The following SLCO3A1 variants were observed in gnomAD, a reference collection of about 807,000 sequenced individuals.
SLCO3A1 encodes the protein PGE1 transporter.
A neutral mutation model predicts 63.1 loss-of-function variants in SLCO3A1; 27 were observed. The observed-to-expected ratio is 0.43, with a 90% CI of 0.32 to 0.59. The LOEUF (loss-of-function observed/expected upper bound fraction) is 0.59. Ranked by LOEUF, SLCO3A1 falls within the 20% of genes least tolerant of loss-of-function variation. The pLI, the probability that SLCO3A1 is intolerant of heterozygous loss-of-function variation, is 0.09. For synonymous variants in SLCO3A1, 473 were observed against 409.9 expected, an observed-to-expected ratio of 1.15 and a Z score of -1.86; for missense variants, 773 against 945.8, an observed-to-expected ratio of 0.82 and a Z score of 2.40.
chr15:92,154,734 G>C (rs1446307496), intron 9 of SLCO3A1, among the ~76,000 whole-genome samples: 1 of 152,076 alleles, frequency 6.6e-6, no homozygotes, highest in Non-Finnish European at 1.5e-5. Flanking sequence ...CTGGTCAGTG[G>C]GGCTCTGGGA....
rs1897077774 is a variant in SLCO3A1 at position 91,862,733 on chromosome 15, G to T, written c.180+8645G>T. On this transcript the variant is annotated intron_variant, in intron 1 of 9. Transcript: ENST00000318445. The surrounding 1 kb of genome is among the most constrained non-coding windows in gnomAD (Gnocchi z 4.0). The stretch of plus-strand genomic sequence containing the variant: ...ATAATAGAAGGCAAACTAAATCCCT[G>T]CTCACAAAACTACAGGAATTTGAGG... Among the ~76,000 whole-genome samples the T allele has an allele frequency of 6.6e-6, 1 of 152,204 alleles. No individual in the cohort carries two copies. Among genetic ancestry groups the T allele is most frequent in the South Asian group, 2.1e-4 (1 of 4,836 alleles).
chr15:92,050,431 T>A (rs1347324595), intron 2 of SLCO3A1, among the ~76,000 whole-genome samples: 3 of 152,230 alleles, frequency 2.0e-5, no homozygotes. Flanking sequence ...ACAGAGTCCC[T>A]GCACACGGAG....
chr15:92,107,290 C>T (rs1010695513), intron 4 of SLCO3A1, among the ~76,000 whole-genome samples: 3 of 152,190 alleles, frequency 2.0e-5, no homozygotes, highest in Non-Finnish European at 4.4e-5. Context: ...TGCAAGATTC[C>T]TTAAGAGCCA....
At chr15:91,855,563 C>T (rs1417813790) in intron 1 of SLCO3A1, among the ~76,000 whole-genome samples, 1 of 152,164 alleles carries the variant, frequency 6.6e-6, no homozygotes, top group East Asian at 1.9e-4. Context: ...CTATAAAATA[C>T]ACTTATTGTG....
chr15:91,868,412 A>C (rs1313776219), intron 1 of SLCO3A1, among the ~76,000 whole-genome samples: 1 of 150,836 alleles, frequency 6.6e-6, no homozygotes, highest in East Asian at 1.9e-4. Flanking sequence ...TTACACAAGG[A>C]ATATATGTGG....
chr15:91,911,169 T>G (rs1898473242), intron 1 of SLCO3A1, among the ~76,000 whole-genome samples: 1 of 152,148 alleles, frequency 6.6e-6, no homozygotes, highest in African/African-American at 2.4e-5. Flanking sequence ...TTCCAGAAGG[T>G]GAGGCTCCCA....
chr15:91,946,280 C>CA, intron 2 of SLCO3A1, among the ~76,000 whole-genome samples: 1 of 152,326 alleles, frequency 6.6e-6, no homozygotes, highest in Non-Finnish European at 1.5e-5. Context: ...GGCAGGGAGC[C>CA]AGGCTGCACG....
chr15:91,881,601 C>T (rs185919776), intron 1 of SLCO3A1, among the ~76,000 whole-genome samples: 1,531 of 151,944 alleles, frequency 0.01, 11 homozygotes, highest in Non-Finnish European at 0.015. Flanking sequence ...GGTTTTTAGC[C>T]TTGAGATGAA....
At chr15:92,118,556 T>C (rs1056669530) in intron 4 of SLCO3A1, among the ~76,000 whole-genome samples, 2 of 152,184 alleles carry the variant, frequency 1.3e-5, no homozygotes, top group African/African-American at 4.8e-5. Context: ...CATCCCCTAT[T>C]ATTATTTTAT....
intron 2 of SLCO3A1, among the ~76,000 whole-genome samples, chr15:92,037,335 G>C (rs1049062366): frequency 6.6e-6 from 1 of 152,162 alleles, no homozygotes; most frequent in Admixed American, 6.5e-5. Flanking sequence ...AGCTCTCTCT[G>C]TATAGATAGG....
At chr15:91,986,166 C>T (rs2046049770) in intron 2 of SLCO3A1, among the ~76,000 whole-genome samples, 1 of 152,152 alleles carries the variant, frequency 6.6e-6, no homozygotes, top group African/African-American at 2.4e-5. Flanking sequence ...ACCTGCTAGC[C>T]ACCATGCTCG....
intron 2 of SLCO3A1, among the ~76,000 whole-genome samples, chr15:92,015,281 T>C (rs1193933586): frequency 6.6e-6 from 1 of 152,032 alleles, no homozygotes; most frequent in South Asian, 2.1e-4. Flanking sequence ...TCAGACTGGG[T>C]AATTTATAAA....
intron 2 of SLCO3A1, among the ~76,000 whole-genome samples, chr15:92,070,459 A>G (rs537453680): frequency 6.7e-6 from 1 of 150,232 alleles, no homozygotes; most frequent in Admixed American, 6.6e-5. Flanking sequence ...CCTGGCCCAC[A>G]TGGGGAAACC....
At chr15:92,171,084 G>C (rs143813494) in intron 10 of SLCO3A1, 1 of 152,210 alleles carries the variant, frequency 6.6e-6, no homozygotes, top group African/African-American at 2.4e-5. Flanking sequence ...AAAGTCTAAA[G>C]AGGACAAATA....
intron 2 of SLCO3A1, among the ~76,000 whole-genome samples, chr15:91,934,063 A>G (rs976477168): frequency 6.6e-6 from 1 of 152,110 alleles, no homozygotes; most frequent in African/African-American, 2.4e-5. Context: ...CTGTTATTTC[A>G]TGGATGCTCA....
intron 7 of SLCO3A1, among the ~76,000 whole-genome samples, chr15:92,130,543 G>A (rs892676624): frequency 3.9e-5 from 6 of 152,174 alleles, no homozygotes; most frequent in Non-Finnish European, 8.8e-5. Context: ...GGGATTTGGA[G>A]ACCCAGAGCA....
Position 91,853,833 on chromosome 15 carries a change from G to A in SLCO3A1, c.-76G>A. On this transcript the variant is annotated 5_prime_UTR_variant, in exon 1 of 10. Transcript: ENST00000318445. ...ACGCAGCCTCGAGGCGCGCACCCCC[G>A]CCCGGCAGCGGCCCCGACACCCGGG... 1 of 1,193,802 alleles carries A rather than the reference G, an allele frequency of 8.4e-7. No individual in the cohort carries two copies. The highest frequency in any genetic ancestry group is 1.0e-6 in the Non-Finnish European group (1 of 966,586). 74.0% of individuals were successfully genotyped at this position (1,193,802 alleles called of 1,614,324 possible). A position where few individuals can be genotyped will look rare whatever the true frequency, so the allele number is the denominator to read the frequency against.
At position 91,954,839 on chromosome 15, in the gene SLCO3A1, C is replaced by T. The variant is rs1900116989; in HGVS notation, c.646+38381C>T. On this transcript the variant is annotated intron_variant, in intron 2 of 9. Coordinates refer to ENST00000318445, the MANE Select transcript of SLCO3A1 (RefSeq NM_013272.4). This position sits in a 1 kb window ranked among gnomAD's most constrained non-coding sequence, Gnocchi z 4.7. ...CCTAGACACCATACCCTGAACCGCC[C>T]CCCGTGGTCTCCCGCTGCTTTCTGC... Among the ~76,000 whole-genome samples the T allele has an allele frequency of 6.6e-6, 1 of 152,080 alleles. No individual in the cohort carries two copies. Among genetic ancestry groups the T allele is most frequent in the Admixed American group, 6.5e-5 (1 of 15,274 alleles).
rs964889364 is a variant in SLCO3A1, at chr15:91,900,400, G to C, written c.181-15593G>C. Among the ~76,000 whole-genome samples the C allele has an allele frequency of 6.6e-6, 1 of 152,194 alleles. No homozygotes were observed. The highest frequency in any genetic ancestry group is 1.5e-5 in the Non-Finnish European group (1 of 68,036). ...GCTGGAGTGCAGTGGTGTGATCTCA[G>C]CTCACTGCAACCTCCACTTCCTGGG... On this transcript the variant is annotated intron_variant, in intron 1 of 9. Coordinates refer to ENST00000318445, the MANE Select transcript of SLCO3A1 (RefSeq NM_013272.4). This position sits in a 1 kb window ranked among gnomAD's most constrained non-coding sequence, Gnocchi z 4.3.
Sources: allele counts gnomAD v4.1 joint callset (sites outside exome capture counted in the v4.1 genomes callset), GRCh38; gene constraint gnomAD v4.1.1; non-coding constraint Gnocchi (gnomAD v3.1); transcripts MANE v1.5; gene names NCBI Gene and HGNC (gene_info 2026-07-23, HGNC 2026-07-21).